The following MTCL1 variants were observed in gnomAD, a reference collection of about 807,000 sequenced individuals.
MTCL1 encodes microtubule crosslinking factor 1, also known as microtubule cross-linking factor 1.
In MTCL1, 79 loss-of-function variants were observed where a neutral mutation model predicts 141.4. That is an observed-to-expected ratio of 0.56 (90% CI 0.47 to 0.67). The LOEUF (loss-of-function observed/expected upper bound fraction) is 0.67. Ranked by LOEUF, MTCL1 falls within the 30% of genes least tolerant of loss-of-function variation. MTCL1 has a pLI of 0.00. For missense variants in MTCL1, 2,177 were observed against 2,113.9 expected (o/e 1.03, Z -0.59); for synonymous variants, 914 against 875.8 (o/e 1.04, Z -0.77).
At chr18:8,784,306 G>A in exon 6 of MTCL1, 1 of 1,571,130 alleles carries the variant, frequency 6.4e-7, no homozygotes, top group Non-Finnish European at 8.7e-7. Context: ...AGAGTGATGG[G>A]GAGGAGAGCC....
chr18:8,729,788 G>C (rs1045797277), intron 4 of MTCL1, among the ~76,000 whole-genome samples: 3 of 139,912 alleles, frequency 2.1e-5, no homozygotes, highest in African/African-American at 5.3e-5. Context: ...CTCTTACAAG[G>C]TTTTCTCAGG....
intron 4 of MTCL1, among the ~76,000 whole-genome samples, chr18:8,720,777 C>T (rs768726509): frequency 9.2e-5 from 14 of 152,178 alleles, no homozygotes; most frequent in Admixed American, 3.3e-4. Context: ...CTATCTGGCC[C>T]TTTGCAGAAA....
At chr18:8,803,770 G>A (rs1431172432) in intron 10 of MTCL1, among the ~76,000 whole-genome samples, 2 of 152,190 alleles carry the variant, frequency 1.3e-5, no homozygotes, top group Non-Finnish European at 2.9e-5. Flanking sequence ...TTACTCTGAT[G>A]CAAATATGCA....
intron 4 of MTCL1, among the ~76,000 whole-genome samples, chr18:8,739,389 G>A (rs1172243599): frequency 6.6e-6 from 1 of 152,228 alleles, no homozygotes; most frequent in African/African-American, 2.4e-5. Flanking sequence ...CGGTGGAAGA[G>A]AAGCAATACA....
At chr18:8,793,451 A>C (rs955884033) in intron 8 of MTCL1, among the ~76,000 whole-genome samples, 1 of 152,292 alleles carries the variant, frequency 6.6e-6, no homozygotes, top group African/African-American at 2.4e-5. Flanking sequence ...TGTGTCTGTC[A>C]CCTCTGCTGA....
intron 8 of MTCL1, 41 bp downstream of exon 7, chr18:8,793,161 C>T (rs1355113679): frequency 1.2e-5 from 19 of 1,607,638 alleles, no homozygotes; most frequent in Non-Finnish European, 1.5e-5. Context: ...GCTTTGTGAA[C>T]TGCAGAGCCC....
At chr18:8,745,508 G>A (rs1414489488) in intron 4 of MTCL1, among the ~76,000 whole-genome samples, 1 of 152,088 alleles carries the variant, frequency 6.6e-6, no homozygotes, top group African/African-American at 2.4e-5. Context: ...TCATTCCGTT[G>A]TCTGGATGTA....
At chr18:8,785,902 C>A (rs1051391325) in intron 6 of MTCL1, 34 bp from the exon 6 acceptor site, 1 of 1,535,138 alleles carries the variant, frequency 6.5e-7, no homozygotes. Context: ...TTTTAAAGAA[C>A]AACAACAACA....
chr18:8,789,591 G>C (rs75914404), intron 7 of MTCL1: 2 of 985,424 alleles, frequency 2.0e-6, no homozygotes, highest in East Asian at 1.1e-4. Context: ...GAACACTGAC[G>C]TGGGGAGAAT....
intron 4 of MTCL1, among the ~76,000 whole-genome samples, chr18:8,752,635 T>C (rs1043518227): frequency 1.3e-5 from 2 of 152,220 alleles, no homozygotes; most frequent in African/African-American, 4.8e-5. Context: ...TAAAAATCTT[T>C]CTTGTTACCA....
intron 3 of MTCL1, 56 bp from the exon 3 acceptor site, chr18:8,720,282 C>T (rs1452588983): frequency 1.9e-6 from 3 of 1,578,156 alleles, no homozygotes; most frequent in Non-Finnish European, 2.6e-6. Context: ...TCTGATAGTA[C>T]CCTTAGCACA....
At chr18:8,784,826 C>T in exon 6 of MTCL1, 4 of 1,600,308 alleles carry the variant, frequency 2.5e-6, no homozygotes, top group East Asian at 2.2e-5. Context: ...GGGGAAGGAG[C>T]TGGGCCCAGA....
At chr18:8,718,279 G>A in intron 2 of MTCL1, 145 bp from the exon 2 acceptor site, 2 of 751,110 alleles carry the variant, frequency 2.7e-6, no homozygotes, top group South Asian at 1.9e-5. Flanking sequence ...AGGTTCTGGT[G>A]CCTGTCACCC....
chr18:8,826,166 C>CGGGCCCCCG, exon 15 of MTCL1: 1 of 1,612,252 alleles, frequency 6.2e-7, no homozygotes, highest in Non-Finnish European at 8.5e-7. Flanking sequence ...AGGCTGCCCA[C>CGGGCCCCCG]GGGCCCCCGG....
rs139445974 is a variant in MTCL1, at chr18:8,831,934, A to AGCT, written c.*351_*353dup. The stretch of plus-strand genomic sequence containing the variant: ...CAAAGAATGTTTTTTAAAAACACAA[A>AGCT]GCTGCTGAATGTTCAACCTGTGAAA... On this transcript the variant is annotated 3_prime_UTR_variant, in exon 17 of 17. Coordinates refer to ENST00000359865, the Ensembl canonical transcript of MTCL1. The AGCT allele has an allele frequency of 1.9e-3, 2,082 of 1,078,446 alleles. 6 individuals carry two copies. Among genetic ancestry groups the AGCT allele is most frequent in the African/African-American group, 0.018 (1,118 of 63,114 alleles). 66.8% of individuals were successfully genotyped at this position (1,078,446 alleles called of 1,614,324 possible). A position where few individuals can be genotyped will look rare whatever the true frequency, so the allele number is the denominator to read the frequency against.
intron 1 of MTCL1, among the ~76,000 whole-genome samples, chr18:8,708,417 A>C (rs1466208751): frequency 1.4e-5 from 2 of 146,070 alleles, no homozygotes; most frequent in African/African-American, 4.9e-5. Flanking sequence ...TGTATTTGCT[A>C]TTTCACTGGA....
chr18:8,751,662 A>C (rs1598488413), intron 4 of MTCL1, among the ~76,000 whole-genome samples: 2 of 152,210 alleles, frequency 1.3e-5, no homozygotes, highest in Admixed American at 6.5e-5. Flanking sequence ...CACCTGGTCC[A>C]GTGCAGGACG....
At chr18:8,731,897 C>T (rs1377989829) in intron 4 of MTCL1, among the ~76,000 whole-genome samples, 1 of 151,520 alleles carries the variant, frequency 6.6e-6, no homozygotes, top group Non-Finnish European at 1.5e-5. Flanking sequence ...TCAGTAGAGA[C>T]GGGGTTTCAT....
chr18:8,784,374 T>A, exon 6 of MTCL1: 3 of 1,527,800 alleles, frequency 2.0e-6, no homozygotes, highest in Non-Finnish European at 2.6e-6. Flanking sequence ...TCGGAGGAAA[T>A]GTTTGAGAAG....
Sources: gnomAD v4.1 joint callset for allele counts (sites outside exome capture counted in the v4.1 genomes callset) on GRCh38, gnomAD v4.1.1 for gene constraint, MANE v1.5 for transcripts, NCBI Gene and HGNC (gene_info 2026-07-23, HGNC 2026-07-21) for gene names.